Variants in ZNF624 observed in about 807,000 individuals in gnomAD.
The protein encoded by ZNF624 is zinc finger protein 624.
A neutral mutation model predicts 74.7 loss-of-function variants in ZNF624; 43 were observed. The observed-to-expected ratio is 0.58, with a 90% CI of 0.45 to 0.74. ZNF624 has a LOEUF of 0.74. Among genes scored for constraint, ZNF624 ranks in the 30% least tolerant of loss-of-function variants. The pLI is 0.00. For missense variants in ZNF624, 820 were observed against 1,030.0 expected (o/e 0.80, Z 2.79); for synonymous variants, 331 against 341.3 (o/e 0.97, Z 0.33).
the ZNF624 span, among the ~76,000 whole-genome samples, chr17:16,615,572 A>G: frequency 2.0e-5 from 3 of 152,134 alleles, no homozygotes. Flanking sequence ...AGAATGAAAA[A>G]CTATAATCAT....
Position 16,623,212 on chromosome 17 carries a change from ACATTTAT to A in ZNF624, c.1667_1673del (p.Tyr556LeufsTer14). ...GCATGAAGGCCTTTCCACATTCAGTACATTTATAAGGTTTCTCTCCTGTATGCATTCT... is the reference window on the plus strand; with the variant it reads ...GCATGAAGGCCTTTCCACATTCAGTAAAGGTTTCTCTCCTGTATGCATTCT... On this transcript the variant is annotated frameshift_variant, in exon 6 of 6. Transcript: ENST00000311331. LOFTEE classifies it high-confidence loss of function. The surrounding 1 kb of genome is among the most constrained non-coding windows in gnomAD (Gnocchi z 5.3). 6.2e-7 allele frequency: 1 copy of A among 1,613,934 alleles called. No homozygotes were observed.
At chr17:16,617,820 A>C, downstream of ZNF624, 1 of 1,611,942 alleles carries the variant, frequency 6.2e-7, no homozygotes, top group Non-Finnish European at 8.5e-7. Flanking sequence ...GCCACTGAAA[A>C]AGCGCTGGAT....
chr17:16,646,583 A>G (rs1909598020), intron 3 of ZNF624, among the ~76,000 whole-genome samples: 1 of 152,254 alleles, frequency 6.6e-6, no homozygotes, highest in Non-Finnish European at 1.5e-5. Flanking sequence ...GATAGTGGAA[A>G]AAAGAATGCT....
At chr17:16,634,521 T>C in intron 4 of ZNF624, 109 bp downstream of exon 4, 7 of 1,199,836 alleles carry the variant, frequency 5.8e-6, no homozygotes, top group Non-Finnish European at 8.1e-6. Flanking sequence ...AACCCAACAA[T>C]GTGCCCCTAA....
chr17:16,622,729 A>T lies in ZNF624; in HGVS notation c.2157T>A (p.Thr719=). ...CATTACATTTAAATGGTTTCTCTCC[A>T]GTATGTGTTCTTTGATGTGTATTAA... The part of the protein sequence containing the change: ...SGFNTHQRTH[T]GEKPFKCNDC... Residue 719 remains threonine (T), a synonymous_variant, in exon 6 of 6, where the codon ACT becomes ACA. Coordinates refer to ENST00000311331, the MANE Select transcript of ZNF624 (RefSeq NM_020787.4). 1.2e-6 allele frequency: 2 copies of T among 1,613,714 alleles called. No individual in the cohort carries two copies. The highest frequency in any genetic ancestry group is 2.2e-5 in the South Asian group (2 of 91,074).
In ZNF624 at chr17:16,623,040, C is replaced by G. The variant is rs1271417016; in HGVS notation, c.1846G>C (p.Asp616His). ...HTGEKPYKCT[D>H]CERAFTKMVN... is the part of the protein sequence containing the mutation. ...ATTTTGGTGAATGCCCTCTCGCAGT[C>G]AGTACATTTATATGGTTTCTCTCCA... is the stretch of plus-strand genomic sequence containing the variant. Residue 616 changes from aspartate to histidine, a missense_variant, in exon 6 of 6, where the codon GAC becomes CAC. Transcript: ENST00000311331. This position sits in a 1 kb window ranked among gnomAD's most constrained non-coding sequence, Gnocchi z 5.3. 6.2e-7 allele frequency: 1 copy of G among 1,613,798 alleles called. No individual in the cohort carries two copies. The highest frequency in any genetic ancestry group is 1.7e-5 in the Admixed American group (1 of 59,998).
chr17:16,645,236 T>C (rs1909559665), intron 3 of ZNF624, among the ~76,000 whole-genome samples: 1 of 152,050 alleles, frequency 6.6e-6, no homozygotes. Flanking sequence ...GTTCAGGAGT[T>C]GAAGACCAGT....
At chr17:16,635,411 C>T (rs1909304642) in intron 3 of ZNF624, among the ~76,000 whole-genome samples, 2 of 151,902 alleles carry the variant, frequency 1.3e-5, no homozygotes. Context: ...GACAGCTAGA[C>T]TCCTTTGAAT....
rs183336593 is a variant in ZNF624, at chr17:16,642,555, A to G, written c.153+4774T>C. Among the ~76,000 whole-genome samples, 543 of 152,342 alleles carry G rather than the reference A, an allele frequency of 3.6e-3. 1 individual carries two copies. The highest frequency in any genetic ancestry group is 0.01 in the Middle Eastern group (3 of 294). On this transcript the variant is annotated intron_variant, in intron 3 of 5. Transcript: ENST00000311331. The stretch of plus-strand genomic sequence containing the variant: ...TAGACCTAAATGTAAGAACTAAACT[A>G]TAAAACTGTTAGAAGGAAAGACAGA...
rs1909670916 is a variant in ZNF624, at chr17:16,649,606, A to G, written c.87+52T>C. ...AAGTCGCAAGCCTTCAGGCAAAGTA[A>G]ACATGCTCTCAAACCAAGATAGTAG... On this transcript the variant is annotated intron_variant, in intron 2 of 5. Coordinates refer to ENST00000311331, the MANE Select transcript of ZNF624 (RefSeq NM_020787.4). The G allele has an allele frequency of 2.6e-5, 40 of 1,537,082 alleles. 1 individual carries two copies. The South Asian group carries it at 4.5e-4, about 17-fold the overall frequency.
chr17:16,623,233 T>C lies in ZNF624; in HGVS notation c.1653A>G (p.Thr551=). The part of the protein sequence containing the change: ...SCLTVHHRMH[T]GEKPYKCTEC... ...CAGTACATTTATAAGGTTTCTCTCCTGTATGCATTCTGTGGTGTACAGTAA... is the reference window on the plus strand; with the variant it reads ...CAGTACATTTATAAGGTTTCTCTCCCGTATGCATTCTGTGGTGTACAGTAA... Residue 551 remains threonine (T), a synonymous_variant, in exon 6 of 6, where the codon ACA becomes ACG. Coordinates refer to ENST00000311331, the MANE Select transcript of ZNF624 (RefSeq NM_020787.4). The surrounding 1 kb of genome is among the most constrained non-coding windows in gnomAD (Gnocchi z 5.3). 6.2e-7 allele frequency: 1 copy of C among 1,613,950 alleles called. No homozygotes were observed. The highest frequency in any genetic ancestry group is 1.1e-5 in the South Asian group (1 of 91,068).
At chr17:16,640,144 G>T (rs1242284200) in intron 3 of ZNF624, among the ~76,000 whole-genome samples, 1 of 152,110 alleles carries the variant, frequency 6.6e-6, no homozygotes, top group Non-Finnish European at 1.5e-5. Flanking sequence ...ATGTACCAGT[G>T]AGACATAACA....
At chr17:16,643,514 T>C (rs1040167066) in intron 3 of ZNF624, among the ~76,000 whole-genome samples, 3 of 152,180 alleles carry the variant, frequency 2.0e-5, no homozygotes, top group Non-Finnish European at 2.9e-5. Context: ...TGTCAGAGGC[T>C]GTAAGGAGGG....
intron 3 of ZNF624, among the ~76,000 whole-genome samples, chr17:16,643,156 A>T (rs1007311374): frequency 1.3e-5 from 2 of 152,246 alleles, no homozygotes; most frequent in African/African-American, 4.8e-5. Flanking sequence ...CATATGATCC[A>T]GCAAAATTCC....
rs1730620289 is a variant in ZNF624 at position 16,623,519 on chromosome 17, G to C, written c.1367C>G (p.Thr456Ser). The change falls in exon 6 of 6, where the codon ACC becomes AGC. Residue 456 changes from threonine to serine, a missense_variant. By Grantham distance (58) the Thr-to-Ser change is moderately conservative (BLOSUM62 1). Coordinates refer to ENST00000311331, the MANE Select transcript of ZNF624 (RefSeq NM_020787.4). The surrounding 1 kb of genome is among the most constrained non-coding windows in gnomAD (Gnocchi z 5.3). ...CNECGKSFKN[T>S]TIFNVHQRIH... ...CCTCTGATGCACATTAAAAATTGTG[G>C]TATTCTTAAAAGACTTCCCACACTC... 6.2e-7 allele frequency: 1 copy of C among 1,609,468 alleles called. No homozygotes were observed. The highest frequency in any genetic ancestry group is 8.5e-7 in the Non-Finnish European group (1 of 1,178,608).
chr17:16,628,211 T>A (rs1011640887), intron 5 of ZNF624, among the ~76,000 whole-genome samples: 1 of 151,948 alleles, frequency 6.6e-6, no homozygotes, highest in African/African-American at 2.4e-5. Flanking sequence ...TGCAGTGAAC[T>A]GAGATTGCGC....
intron 3 of ZNF624, among the ~76,000 whole-genome samples, chr17:16,639,915 A>G (rs1909426902): frequency 6.6e-6 from 1 of 152,210 alleles, no homozygotes; most frequent in Non-Finnish European, 1.5e-5. Context: ...AAGAAACACG[A>G]AAGCATGGAC....
intron 5 of ZNF624, among the ~76,000 whole-genome samples, chr17:16,627,567 C>T (rs141210116): frequency 7.1e-4 from 108 of 152,248 alleles, no homozygotes; most frequent in Non-Finnish European, 1.3e-3. Flanking sequence ...GCCATTTTCC[C>T]CTTCAAATGC....
intron 5 of ZNF624, chr17:16,631,450 G>C (rs1381244694): frequency 1.3e-5 from 2 of 152,176 alleles, no homozygotes; most frequent in East Asian, 1.9e-4. Flanking sequence ...GTAATGTCAG[G>C]CATGGTGACT....
Sources: allele counts gnomAD v4.1 joint callset (sites outside exome capture counted in the v4.1 genomes callset), GRCh38; gene constraint gnomAD v4.1.1; non-coding constraint Gnocchi (gnomAD v3.1); transcripts MANE v1.5; gene names NCBI Gene and HGNC (gene_info 2026-07-23, HGNC 2026-07-21).